Variants in NPAS3 observed in about 807,000 individuals in gnomAD.
NPAS3 encodes the protein neuronal PAS domain protein 3.
In NPAS3, 14 loss-of-function variants were observed where a neutral mutation model predicts 73.1. The observed-to-expected ratio is 0.19, with a 90% CI of 0.13 to 0.30. NPAS3 has a LOEUF of 0.30. NPAS3 is among the 10% of genes least tolerant of loss of function. The probability of loss-of-function intolerance (pLI) is 1.00; values close to 1 mark genes in which losing one functional copy is unlikely to be tolerated. For missense variants in NPAS3, 1,096 were observed against 1,250.0 expected (o/e 0.88, Z 1.86); for synonymous variants, 620 against 541.5 (o/e 1.14, Z -2.01).
rs545659821 is a variant in NPAS3 at position 33,716,033 on chromosome 14, A to C, written c.734-19181A>C. 2.0e-5 allele frequency among the ~76,000 whole-genome samples: 3 copies of C among 152,312 alleles called. No homozygotes were observed. In the South Asian group the frequency reaches 6.2e-4, roughly 32 times the overall value. ...ACCTCTTTTTCTTTATAAATTACCC[A>C]GTCTTGGGTGTGTCCTTACACAGCA... On this transcript the variant is annotated intron_variant, in intron 6 of 11. Coordinates refer to ENST00000356141, the Ensembl canonical transcript of NPAS3.
At chr14:33,776,988 AT>A (rs1331090162) in intron 8 of NPAS3, among the ~76,000 whole-genome samples, 4 of 152,224 alleles carry the variant, frequency 2.6e-5, no homozygotes, top group Admixed American at 1.3e-4. Context: ...TCCCTAAAGA[AT>A]GGAGTGGCTT....
intron 1 of NPAS3, among the ~76,000 whole-genome samples, chr14:32,980,616 A>T (rs1377338415): frequency 1.3e-5 from 2 of 152,230 alleles, no homozygotes; most frequent in African/African-American, 4.8e-5. Flanking sequence ...TTTAAAAAAC[A>T]TACAGTTCAT....
chr14:33,018,739 C>A (rs1215781814), intron 1 of NPAS3, among the ~76,000 whole-genome samples: 1 of 152,070 alleles, frequency 6.6e-6, no homozygotes. Flanking sequence ...AAATTTAAAG[C>A]ACTGAATTCA....
intron 4 of NPAS3, among the ~76,000 whole-genome samples, chr14:33,453,575 C>T (rs1333859267): frequency 1.3e-5 from 2 of 152,018 alleles, no homozygotes; most frequent in Admixed American, 6.5e-5. Context: ...AGACAGACAG[C>T]GTATTCTGGA....
chr14:33,614,932 G>A (rs2057866827), intron 5 of NPAS3, among the ~76,000 whole-genome samples: 1 of 152,114 alleles, frequency 6.6e-6, no homozygotes, highest in African/African-American at 2.4e-5. Flanking sequence ...TGTAAGAATT[G>A]TAGGAAAAAA....
At chr14:33,179,393 T>C (rs982306846) in intron 2 of NPAS3, among the ~76,000 whole-genome samples, 2 of 152,208 alleles carry the variant, frequency 1.3e-5, no homozygotes, top group African/African-American at 4.8e-5. Flanking sequence ...TTATCTATAA[T>C]GTTAGAGATA....
rs2044225511 is a variant in NPAS3 at position 33,146,023 on chromosome 14, T to G, written c.141-69159T>G. On this transcript the variant is annotated intron_variant, in intron 2 of 11. Coordinates refer to ENST00000356141, the Ensembl canonical transcript of NPAS3. ...TGTATCACAAGTAAAGAGTCGCAGA[T>G]GGTTTACAATTTCATGTAGAAGCTG... 4.6e-5 allele frequency among the ~76,000 whole-genome samples: 7 copies of G among 152,280 alleles called. 1 individual carries two copies. The South Asian group carries it at 1.4e-3, about 32-fold the overall frequency.
chr14:33,731,164 C>T (rs769323482), intron 6 of NPAS3, among the ~76,000 whole-genome samples: 2 of 152,002 alleles, frequency 1.3e-5, no homozygotes, highest in African/African-American at 4.8e-5. Flanking sequence ...CACGGTGGCT[C>T]ACACCTGTAA....
chr14:32,946,348 G>GCGCACACA (rs1233572564), intron 1 of NPAS3, among the ~76,000 whole-genome samples: 34 of 139,400 alleles, frequency 2.4e-4, no homozygotes, highest in South Asian at 1.2e-3. Context: ...ACACACACGC[G>GCGCACACA]CACACACACA....
chr14:32,938,523 G>GAGAGAGAGAGAGAGAGAGAGA (rs1343015828), upstream of NPAS3, among the ~76,000 whole-genome samples: 3 of 116,390 alleles, frequency 2.6e-5, no homozygotes, highest in African/African-American at 1.1e-4. Flanking sequence ...GAGAGAGAGA[G>GAGAGAGAGAGAGAGAGAGAGA]AAGGGGGGGG....
chr14:33,281,897 A>T (rs1395071368), intron 3 of NPAS3, among the ~76,000 whole-genome samples: 1 of 152,202 alleles, frequency 6.6e-6, no homozygotes, highest in Non-Finnish European at 1.5e-5. Context: ...ATATATGAAC[A>T]AGAGGCCAGT....
At chr14:33,454,862 A>C (rs546379535) in intron 4 of NPAS3, among the ~76,000 whole-genome samples, 1 of 152,314 alleles carries the variant, frequency 6.6e-6, no homozygotes, top group African/African-American at 2.4e-5. Flanking sequence ...GACTGGACCC[A>C]GCGTATAGCC....
chr14:32,980,296 C>T (rs1053347455), intron 1 of NPAS3, among the ~76,000 whole-genome samples: 2 of 152,070 alleles, frequency 1.3e-5, no homozygotes, highest in African/African-American at 2.4e-5. Context: ...TTATTTTGGT[C>T]GGTTGTTCCC....
rs568824214 is a variant in NPAS3, at chr14:33,044,663, T to C, written c.51-11242T>C. 4.2e-4 allele frequency among the ~76,000 whole-genome samples: 64 copies of C among 152,038 alleles called. 1 individual carries two copies. Among genetic ancestry groups the C allele is most frequent in the Non-Finnish European group, 8.4e-4 (57 of 67,950 alleles). On this transcript the variant is annotated intron_variant, in intron 1 of 11. Coordinates refer to ENST00000356141, the Ensembl canonical transcript of NPAS3. ...AAGAGTGAGTTAGTTTGTTTTTTTT[T>C]TTTTTGGCGGGGAGGGCAGAAGAGT...
intron 6 of NPAS3, among the ~76,000 whole-genome samples, chr14:33,732,596 A>T (rs2140630358): frequency 6.6e-6 from 1 of 152,320 alleles, no homozygotes; most frequent in Admixed American, 6.5e-5. Context: ...TTGTCATCAG[A>T]AACCAGTCTC....
chr14:33,179,639 C>A (rs920614964), intron 2 of NPAS3, among the ~76,000 whole-genome samples: 2 of 152,108 alleles, frequency 1.3e-5, no homozygotes, highest in African/African-American at 4.8e-5. Flanking sequence ...TGATCTGAAT[C>A]ATAAGTCTGT....
intron 4 of NPAS3, among the ~76,000 whole-genome samples, chr14:33,469,218 T>C (rs1466173408): frequency 1.3e-5 from 2 of 151,836 alleles, no homozygotes; most frequent in Non-Finnish European, 2.9e-5. Flanking sequence ...TGTTTGAGAA[T>C]TATAATCCAT....
At chr14:33,362,838 G>T (rs970629085) in intron 3 of NPAS3, among the ~76,000 whole-genome samples, 5 of 152,090 alleles carry the variant, frequency 3.3e-5, no homozygotes, top group Non-Finnish European at 7.4e-5. Context: ...ACCAGTGACT[G>T]CCTTGGCCTA....
At chr14:33,671,330 A>G (rs2059605128) in intron 5 of NPAS3, among the ~76,000 whole-genome samples, 1 of 152,212 alleles carries the variant, frequency 6.6e-6, no homozygotes, top group South Asian at 2.1e-4. Flanking sequence ...GCAGGGTACA[A>G]TGACCTGACA....
Sources: allele counts gnomAD v4.1 joint callset (sites outside exome capture counted in the v4.1 genomes callset), GRCh38; gene constraint gnomAD v4.1.1; transcripts MANE v1.5; gene names NCBI Gene and HGNC (gene_info 2026-07-23, HGNC 2026-07-21).